The following SLC2A9 variants were observed in gnomAD, a reference collection of about 807,000 sequenced individuals.
The protein encoded by SLC2A9 is solute carrier family 2, facilitated glucose transporter member 9.
A neutral mutation model predicts 50.6 loss-of-function variants in SLC2A9; 39 were observed. That is an observed-to-expected ratio of 0.77 (90% CI 0.60 to 1.01). The LOEUF is 1.01. SLC2A9 is among the 50% of genes least tolerant of loss of function. The pLI, the probability that SLC2A9 is intolerant of heterozygous loss-of-function variation, is 0.00. For synonymous variants in SLC2A9, 324 were observed against 276.9 expected, an observed-to-expected ratio of 1.17 and a Z score of -1.69; for missense variants, 686 against 677.6, an observed-to-expected ratio of 1.01 and a Z score of -0.14.
At chr4:9,853,021 C>CA (rs1410779744) in intron 10 of SLC2A9, among the ~76,000 whole-genome samples, 1 of 152,006 alleles carries the variant, frequency 6.6e-6, no homozygotes, top group Non-Finnish European at 1.5e-5. Flanking sequence ...TACTAAAATA[C>CA]AAAAATTAGC....
At chr4:9,800,634 G>A (rs535185809) in intron 3 of SLC2A9, among the ~76,000 whole-genome samples, 11 of 152,110 alleles carry the variant, frequency 7.2e-5, no homozygotes, top group Non-Finnish European at 1.3e-4. Flanking sequence ...TGCATCCTTG[G>A]ATTTAAGTAT....
chr4:9,882,775 C>A (rs1735464136), intron 10 of SLC2A9, among the ~76,000 whole-genome samples: 1 of 151,428 alleles, frequency 6.6e-6, no homozygotes, highest in Non-Finnish European at 1.5e-5. Context: ...TATAAACCAT[C>A]TTCTATCCTC....
intron 11 of SLC2A9, among the ~76,000 whole-genome samples, chr4:9,829,471 CAA>C (rs33935471): frequency 7.4e-6 from 1 of 135,914 alleles, no homozygotes. Context: ...ACAAAAATGT[CAA>C]AAAAAAAAAA....
intron 3 of SLC2A9, chr4:9,782,993 T>C (rs112029473): frequency 7.4e-6 from 12 of 1,614,116 alleles, no homozygotes; most frequent in Middle Eastern, 1.6e-4. Flanking sequence ...GGTCCCTTTC[T>C]GCAGTGGACA....
chr4:9,931,035 A>C (rs1489075805), intron 6 of SLC2A9, among the ~76,000 whole-genome samples: 1 of 152,174 alleles, frequency 6.6e-6, no homozygotes, highest in African/African-American at 2.4e-5. Context: ...CCTCCAGTTT[A>C]AACTGGCTGC....
At chr4:10,034,356 C>T (rs1005400928) in intron 1 of SLC2A9, 1 of 152,308 alleles carries the variant, frequency 6.6e-6, no homozygotes, top group African/African-American at 2.4e-5. Context: ...CCAGGAATGT[C>T]CTGGCACACC....
At chr4:10,032,660 C>T (rs1337238268) in intron 1 of SLC2A9, among the ~76,000 whole-genome samples, 2 of 152,148 alleles carry the variant, frequency 1.3e-5, no homozygotes, top group Non-Finnish European at 2.9e-5. Context: ...TCACAGGAGA[C>T]AAGCCCTGCC....
chr4:9,795,201 C>G (rs777611052), downstream of SLC2A9, among the ~76,000 whole-genome samples: 58 of 151,924 alleles, frequency 3.8e-4, no homozygotes, highest in Non-Finnish European at 6.2e-4. Context: ...TTAGTATAGA[C>G]AGGGTTTCAC....
intron 6 of SLC2A9, among the ~76,000 whole-genome samples, chr4:9,934,760 G>A (rs1746755915): frequency 1.3e-5 from 2 of 152,192 alleles, no homozygotes; most frequent in Admixed American, 1.3e-4. Context: ...TGTCGTCTAG[G>A]TTTTAAGTCC....
At chr4:9,907,566 G>A (rs889743791) in intron 8 of SLC2A9, among the ~76,000 whole-genome samples, 1 of 152,170 alleles carries the variant, frequency 6.6e-6, no homozygotes, top group African/African-American at 2.4e-5. Flanking sequence ...ACTCCCACAT[G>A]TCTGGGGTAA....
At chr4:9,973,028 T>C (rs1041668497) in intron 5 of SLC2A9, among the ~76,000 whole-genome samples, 5 of 152,218 alleles carry the variant, frequency 3.3e-5, no homozygotes, top group African/African-American at 1.2e-4. Flanking sequence ...TTTGAAAGGA[T>C]AAATGAGATT....
chr4:10,026,031 C>A, upstream of SLC2A9: 3 of 1,543,432 alleles, frequency 1.9e-6, no homozygotes, highest in South Asian at 3.4e-5. Flanking sequence ...AAGAAAGAAG[C>A]CATTAGACAG....
At chr4:9,778,076 C>A (rs991374470), downstream of SLC2A9, among the ~76,000 whole-genome samples, 7 of 148,812 alleles carry the variant, frequency 4.7e-5, no homozygotes, top group African/African-American at 1.7e-4. Flanking sequence ...TTCCTTCCTT[C>A]CTTCCTTCCT....
rs570751547 is a variant in SLC2A9 at position 9,948,787 on chromosome 4, G to T, written c.682-6742C>A. ...CCTGGTCCCATCTCTTCCCCTGCAG[G>T]CACTGATCTGAGCTCATTCTCCAAT... On this transcript the variant is annotated intron_variant, in intron 5 of 11. Coordinates refer to ENST00000264784, the MANE Select transcript of SLC2A9 (RefSeq NM_020041.3). Among the ~76,000 whole-genome samples the T allele has an allele frequency of 2.0e-5, 3 of 152,236 alleles. No homozygotes were observed. In the South Asian group the frequency reaches 6.2e-4, roughly 32 times the overall value.
chr4:9,818,711 A>G (rs1387662803), intron 3 of SLC2A9, among the ~76,000 whole-genome samples: 3 of 152,202 alleles, frequency 2.0e-5, no homozygotes, highest in Non-Finnish European at 4.4e-5. Context: ...CCCTGTCACG[A>G]TTATTATTTT....
At chr4:9,965,886 G>A (rs1262514919) in intron 5 of SLC2A9, among the ~76,000 whole-genome samples, 16 of 152,090 alleles carry the variant, frequency 1.1e-4, no homozygotes, top group African/African-American at 2.2e-4. Context: ...AGATTTTTAC[G>A]AAAGTAGTTA....
chr4:9,840,074 A>G (rs903841653), intron 10 of SLC2A9, among the ~76,000 whole-genome samples: 1 of 152,214 alleles, frequency 6.6e-6, no homozygotes, highest in Non-Finnish European at 1.5e-5. Flanking sequence ...CTATACAAAG[A>G]AACTTAGGCT....
At chr4:9,879,814 T>A (rs1188913186) in intron 10 of SLC2A9, 13 of 985,346 alleles carry the variant, frequency 1.3e-5, no homozygotes, top group African/African-American at 1.7e-5. Flanking sequence ...TTTTAAAAGG[T>A]GAAGCTCTTT....
intron 2 of SLC2A9, 90 bp from the exon 3 acceptor site, chr4:9,997,031 G>A: frequency 6.8e-7 from 1 of 1,479,354 alleles, no homozygotes; most frequent in East Asian, 2.3e-5. Flanking sequence ...AGCTTGTACA[G>A]AGCATTTTCA....
Sources: allele counts gnomAD v4.1 joint callset (sites outside exome capture counted in the v4.1 genomes callset), GRCh38; gene constraint gnomAD v4.1.1; transcripts MANE v1.5; gene names NCBI Gene and HGNC (gene_info 2026-07-23, HGNC 2026-07-21).